Variants in CNBD1 observed in about 807,000 individuals in gnomAD.
CNBD1 encodes the protein cyclic nucleotide binding domain containing 1, also known as cyclic nucleotide-binding domain-containing protein 1.
In CNBD1, 71 loss-of-function variants were observed where a neutral mutation model predicts 54.4. The ratio of observed to expected loss-of-function variants is 1.30; its 90% CI spans 1.08 to 1.59. CNBD1 has a LOEUF of 1.59. CNBD1 is among the 40% of genes most tolerant of loss of function. CNBD1 has a pLI of 0.00. For synonymous variants in CNBD1, 182 were observed against 170.7 expected, an observed-to-expected ratio of 1.07 and a Z score of -0.51; for missense variants, 659 against 518.0, an observed-to-expected ratio of 1.27 and a Z score of -2.64.
chr8:87,416,563 A>C (rs1255861645), intron 2 of CNBD1, among the ~76,000 whole-genome samples: 2 of 152,008 alleles, frequency 1.3e-5, no homozygotes, highest in African/African-American at 4.8e-5. Context: ...GGAGACCCTT[A>C]AATGCCTCAT....
chr8:87,025,397 T>C (rs1809618710), intron 4 of CNBD1, among the ~76,000 whole-genome samples: 1 of 152,188 alleles, frequency 6.6e-6, no homozygotes. Context: ...ACAACCTTTG[T>C]GAGCTATAAC....
intron 4 of CNBD1, among the ~76,000 whole-genome samples, chr8:86,949,816 T>A (rs1476975934): frequency 6.6e-6 from 1 of 151,960 alleles, no homozygotes; most frequent in Non-Finnish European, 1.5e-5. Context: ...AAAGCTTCAC[T>A]TTTTATCCCA....
chr8:87,327,995 T>A (rs575337407), intron 8 of CNBD1, among the ~76,000 whole-genome samples: 2 of 152,252 alleles, frequency 1.3e-5, no homozygotes, highest in South Asian at 2.1e-4. Flanking sequence ...TTAGTTTAAT[T>A]TCTGGGATAC....
At chr8:86,885,748 C>A (rs1040962979) in intron 1 of CNBD1, among the ~76,000 whole-genome samples, 1 of 152,156 alleles carries the variant, frequency 6.6e-6, no homozygotes, top group African/African-American at 2.4e-5. Flanking sequence ...AACTGAGGAT[C>A]AGCAAAGAGA....
At chr8:87,383,492 G>A (rs7813294), downstream of CNBD1, among the ~76,000 whole-genome samples, 51,039 of 151,978 alleles carry the variant, frequency 0.34, 9,331 homozygotes, top group Middle Eastern at 0.44. Context: ...TTCCCACATG[G>A]AGGAAATATA....
intron 4 of CNBD1, among the ~76,000 whole-genome samples, chr8:87,200,320 A>G (rs949470677): frequency 2.6e-5 from 4 of 152,202 alleles, no homozygotes; most frequent in African/African-American, 9.6e-5. Context: ...CAGTGTTCAA[A>G]TTAGAAGAAA....
intron 2 of CNBD1, among the ~76,000 whole-genome samples, chr8:86,902,936 A>C (rs945078294): frequency 1.1e-4 from 17 of 152,142 alleles, no homozygotes; most frequent in Non-Finnish European, 1.3e-4. Context: ...TTAGACAATA[A>C]TACTTTTCTA....
At chr8:86,995,481 G>C (rs1255417605) in intron 4 of CNBD1, among the ~76,000 whole-genome samples, 1 of 152,178 alleles carries the variant, frequency 6.6e-6, no homozygotes, top group Non-Finnish European at 1.5e-5. Flanking sequence ...TAAACCAAGA[G>C]TTCTTGCCTC....
At chr8:87,055,932 TTC>T (rs1810408640) in intron 4 of CNBD1, among the ~76,000 whole-genome samples, 1 of 134,918 alleles carries the variant, frequency 7.4e-6, no homozygotes, top group Non-Finnish European at 1.6e-5. Flanking sequence ...CCTTCCTTCC[TTC>T]CTTCCTTCCT....
At chr8:87,019,835 G>A (rs764102071) in intron 4 of CNBD1, among the ~76,000 whole-genome samples, 5 of 152,032 alleles carry the variant, frequency 3.3e-5, no homozygotes, top group African/African-American at 4.8e-5. Context: ...CCGAGATTGC[G>A]CCACTGTCAC....
chr8:87,012,618 A>G (rs1442768215), intron 4 of CNBD1, among the ~76,000 whole-genome samples: 1 of 152,144 alleles, frequency 6.6e-6, no homozygotes, highest in East Asian at 1.9e-4. Flanking sequence ...AGTCCTATAA[A>G]AAACAATTTA....
chr8:87,353,851 A>AT (rs1165611067), intron 10 of CNBD1, 65 bp downstream of exon 10: 8 of 1,290,832 alleles, frequency 6.2e-6, no homozygotes, highest in Non-Finnish European at 8.5e-6. Flanking sequence ...AATTTTTTAA[A>AT]TTTTTTTCCT....
intron 4 of CNBD1, among the ~76,000 whole-genome samples, chr8:86,963,492 A>G (rs192386011): frequency 6.6e-6 from 1 of 152,270 alleles, no homozygotes; most frequent in Admixed American, 6.5e-5. Flanking sequence ...TTGGTCCCAG[A>G]TAGCCCTTGC....
rs147408661 is a variant in CNBD1 at position 87,395,479 on chromosome 8, A to G, written c.214-33067A>G. 1.2e-4 allele frequency among the ~76,000 whole-genome samples: 19 copies of G among 152,070 alleles called. No individual in the cohort carries two copies. The East Asian group carries it at 3.7e-3, about 29-fold the overall frequency. ...TCTAATATGTGCCAAGTAATGTGAA[A>G]ATGCTACAATAAAGGTTTTAAAAAG... On this transcript the variant is annotated intron_variant, in intron 2 of 7. Transcript: ENST00000521593.
In CNBD1 at chr8:87,222,308, G is replaced by A. The variant is rs183287004; in HGVS notation, c.578-14611G>A. ...TTAATTAAGCTTTCATTTATTCGAC[G>A]AGTGTTTTTGCTAAATGCCTAAAAT... On this transcript the variant is annotated intron_variant, in intron 5 of 10. Coordinates refer to ENST00000518476, the MANE Select transcript of CNBD1 (RefSeq NM_173538.3). 9.2e-4 allele frequency among the ~76,000 whole-genome samples: 140 copies of A among 152,130 alleles called. 1 individual carries two copies. Among genetic ancestry groups the A allele is most frequent in the Non-Finnish European group, 1.7e-3 (115 of 67,994 alleles).
At chr8:87,109,621 C>G (rs1373133108) in intron 4 of CNBD1, among the ~76,000 whole-genome samples, 1 of 150,042 alleles carries the variant, frequency 6.7e-6, no homozygotes, top group Non-Finnish European at 1.5e-5. Context: ...TCACTGCAAG[C>G]TCCGCCTCCT....
At chr8:86,913,841 C>T (rs1463553577) in intron 3 of CNBD1, among the ~76,000 whole-genome samples, 1 of 152,132 alleles carries the variant, frequency 6.6e-6, no homozygotes, top group African/African-American at 2.4e-5. Context: ...GGGTGTGTTT[C>T]ATCCCTATCT....
At chr8:87,203,184 AAG>A (rs1364369554) in intron 4 of CNBD1, among the ~76,000 whole-genome samples, 2 of 152,192 alleles carry the variant, frequency 1.3e-5, no homozygotes, top group Admixed American at 6.5e-5. Flanking sequence ...TATCTACAGA[AAG>A]AATATCAGAC....
chr8:87,126,292 G>A (rs1811988344), intron 4 of CNBD1, among the ~76,000 whole-genome samples: 1 of 151,834 alleles, frequency 6.6e-6, no homozygotes, highest in Admixed American at 6.6e-5. Context: ...ATTCCAGAAG[G>A]CAGTATATAA....
Sources: allele counts gnomAD v4.1 joint callset (sites outside exome capture counted in the v4.1 genomes callset), GRCh38; gene constraint gnomAD v4.1.1; transcripts MANE v1.5; gene names NCBI Gene and HGNC (gene_info 2026-07-23, HGNC 2026-07-21).